The following PLCXD2 variants were observed in gnomAD, a reference collection of about 807,000 sequenced individuals.
The protein encoded by PLCXD2 is phosphatidylinositol specific phospholipase C X domain containing 2.
PLCXD2 carries 21 observed loss-of-function variants against 28.6 expected under a neutral mutation model. The observed-to-expected ratio is 0.73, with a 90% CI of 0.52 to 1.06. The LOEUF (loss-of-function observed/expected upper bound fraction) is 1.06. Among genes scored for constraint, PLCXD2 ranks in the 50% least tolerant of loss-of-function variants. PLCXD2 has a pLI of 0.00. For missense variants in PLCXD2, 369 were observed against 376.7 expected (o/e 0.98, Z 0.17); for synonymous variants, 140 against 150.1 (o/e 0.93, Z 0.49).
chr3:111,675,792 A>G (rs1162958173), intron 1 of PLCXD2, among the ~76,000 whole-genome samples: 1 of 152,264 alleles, frequency 6.6e-6, no homozygotes, highest in African/African-American at 2.4e-5. Flanking sequence ...TTAGATCTGG[A>G]TCAAAATTAA....
chr3:111,725,831 G>A, intron 3 of PLCXD2: 1 of 398,534 alleles, frequency 2.5e-6, no homozygotes, highest in Non-Finnish European at 4.4e-6. Flanking sequence ...CATATTCTGT[G>A]TCATTCCTTC....
rs762024556 is a variant in PLCXD2, at chr3:111,708,388, T to G, written c.624+2T>G. 6.2e-7 allele frequency: 1 copy of G among 1,611,484 alleles called. No individual in the cohort carries two copies. Among genetic ancestry groups the G allele is most frequent in the South Asian group, 1.1e-5 (1 of 90,878 alleles). On this transcript the variant is annotated splice_donor_variant, in intron 2 of 4. Coordinates refer to ENST00000477665, the MANE Select transcript of PLCXD2 (RefSeq NM_001185106.1). LOFTEE classifies it high-confidence loss of function. ...ACTCTGTGGGAGAAGAACTGCCAGG[T>G]AGGAGGGAAGGAGAGATAAGCTTCC...
At position 111,708,189 on chromosome 3, in the gene PLCXD2, C is replaced by A. The variant is rs1180186181; in HGVS notation, c.427C>A (p.Leu143Met). 6.2e-7 allele frequency: 1 copy of A among 1,614,164 alleles called. No homozygotes were observed. The highest frequency in any genetic ancestry group is 8.5e-7 in the Non-Finnish European group (1 of 1,180,032). The change falls in exon 2 of 5, where the codon CTG becomes ATG. Residue 143 changes from leucine to methionine, a missense_variant. Physicochemically the swap from Leu to Met is conservative, Grantham distance 15. Coordinates refer to ENST00000477665, the MANE Select transcript of PLCXD2 (RefSeq NM_001185106.1). Reference sequence around the variant, plus strand: ...TTTTGGCATCAAGGTCTGGGATGGGCTGATGGAAATTGACTCGTTTCTTAC... The same window carrying A: ...TTTTGGCATCAAGGTCTGGGATGGGATGATGGAAATTGACTCGTTTCTTAC...
intron 3 of PLCXD2, chr3:111,722,708 G>A (rs925131083): frequency 1.3e-5 from 2 of 152,184 alleles, no homozygotes; most frequent in African/African-American, 2.4e-5. Flanking sequence ...GCAGTTTCCT[G>A]TTTCTGTCTT....
At chr3:111,688,118 G>A (rs1940822994) in intron 1 of PLCXD2, among the ~76,000 whole-genome samples, 1 of 152,150 alleles carries the variant, frequency 6.6e-6, no homozygotes, top group African/African-American at 2.4e-5. Flanking sequence ...TTACCCCTCT[G>A]TCTGTTAGTT....
Position 111,704,125 on chromosome 3 carries a change from C to T in PLCXD2, c.164-3801C>T, listed in dbSNP as rs564164164. Among the ~76,000 whole-genome samples, 120 of 152,106 alleles carry T rather than the reference C, an allele frequency of 7.9e-4. 4 individuals carry two copies. In the South Asian group the frequency reaches 0.023, roughly 29 times the overall value. ...TTTTGTATTATATGTGAAATACCTACGCTAAAATTTATAAAAATGGAAAAT... is the reference window on the plus strand; with the variant it reads ...TTTTGTATTATATGTGAAATACCTATGCTAAAATTTATAAAAATGGAAAAT... On this transcript the variant is annotated intron_variant, in intron 1 of 4. Coordinates refer to ENST00000477665, the MANE Select transcript of PLCXD2 (RefSeq NM_001185106.1).
intron 1 of PLCXD2, among the ~76,000 whole-genome samples, chr3:111,701,062 A>G (rs1386633388): frequency 6.6e-6 from 1 of 152,208 alleles, no homozygotes; most frequent in Non-Finnish European, 1.5e-5. Context: ...ACAATGAATC[A>G]GGTACAGAAA....
At chr3:111,712,179 C>T (rs981807267) in intron 2 of PLCXD2, among the ~76,000 whole-genome samples, 2 of 152,170 alleles carry the variant, frequency 1.3e-5, no homozygotes, top group African/African-American at 4.8e-5. Context: ...CCTTTAGGGT[C>T]AGATTGCTCA....
At chr3:111,704,804 C>T (rs1480554953) in intron 1 of PLCXD2, among the ~76,000 whole-genome samples, 1 of 149,170 alleles carries the variant, frequency 6.7e-6, no homozygotes, top group Non-Finnish European at 1.5e-5. Context: ...CTTCATTCCT[C>T]CTATCTAGCA....
intron 1 of PLCXD2, among the ~76,000 whole-genome samples, chr3:111,688,644 G>A (rs1303661229): frequency 6.6e-6 from 1 of 152,174 alleles, no homozygotes; most frequent in African/African-American, 2.4e-5. Context: ...GCCCAAAGCT[G>A]TCAGGTAAAT....
At chr3:111,694,005 G>T (rs149780713) in intron 1 of PLCXD2, among the ~76,000 whole-genome samples, 1 of 152,230 alleles carries the variant, frequency 6.6e-6, no homozygotes, top group Non-Finnish European at 1.5e-5. Context: ...ACCCCTTCAA[G>T]CTGTCGCTTT....
intron 3 of PLCXD2, among the ~76,000 whole-genome samples, chr3:111,720,506 A>C (rs562782943): frequency 6.6e-6 from 1 of 152,366 alleles, no homozygotes; most frequent in South Asian, 2.1e-4. Flanking sequence ...CTCCTCTTCC[A>C]GCAGAGAAAC....
At chr3:111,706,582 C>A (rs1008530213) in intron 1 of PLCXD2, among the ~76,000 whole-genome samples, 2 of 151,474 alleles carry the variant, frequency 1.3e-5, no homozygotes, top group African/African-American at 4.9e-5. Context: ...CCTCATCTAT[C>A]AATAATAGCC....
chr3:111,721,640 C>T (rs1458418656), intron 3 of PLCXD2: 1 of 152,134 alleles, frequency 6.6e-6, no homozygotes, highest in Non-Finnish European at 1.5e-5. Flanking sequence ...TAGCGTGGGG[C>T]CCAACAAGAG....
chr3:111,702,984 C>T (rs755546367), intron 1 of PLCXD2, among the ~76,000 whole-genome samples: 22 of 151,986 alleles, frequency 1.4e-4, no homozygotes, highest in African/African-American at 2.9e-4. Context: ...GCCTGTTTTT[C>T]GAAAAAGAAA....
Position 111,700,966 on chromosome 3 carries a change from CTG to C in PLCXD2, c.164-6957_164-6956del, listed in dbSNP as rs1487975441. 6.6e-5 allele frequency among the ~76,000 whole-genome samples: 10 copies of C among 152,210 alleles called. No individual in the cohort carries two copies. In the East Asian group the frequency reaches 1.9e-3, roughly 29 times the overall value. Reference sequence around the variant, plus strand: ...CAATGTGGGTGATGACAAACTTAGACTGTGACCAAAACAGTGGTGGTGGCTAT... The same window carrying C: ...CAATGTGGGTGATGACAAACTTAGACTGACCAAAACAGTGGTGGTGGCTAT... On this transcript the variant is annotated intron_variant, in intron 1 of 4. Transcript: ENST00000477665.
chr3:111,674,743 T>G lies in PLCXD2; in HGVS notation c.-503T>G, dbSNP rs1223439943. The stretch of plus-strand genomic sequence containing the variant: ...TCAGGAAGCCACAGGGCAGGGGGCG[T>G]CTGTGCAGAGAAGCGGGGGAGTGAG... On this transcript the variant is annotated 5_prime_UTR_variant, in exon 1 of 5. Transcript: ENST00000477665. 1 of 153,500 alleles carries G rather than the reference T, an allele frequency of 6.5e-6. No homozygotes were observed. Among genetic ancestry groups the G allele is most frequent in the East Asian group, 1.9e-4 (1 of 5,218 alleles). The allele number at this position is 153,500 out of a possible 1,614,324, so 9.5% of individuals were successfully genotyped here.
At chr3:111,723,926 G>A (rs1157750201) in intron 3 of PLCXD2, 1 of 152,122 alleles carries the variant, frequency 6.6e-6, no homozygotes, top group Non-Finnish European at 1.5e-5. Context: ...AGCCAAAGAG[G>A]ACTTTAGTTT....
At chr3:111,718,701 G>T (rs985707051) in intron 3 of PLCXD2, among the ~76,000 whole-genome samples, 2 of 152,150 alleles carry the variant, frequency 1.3e-5, no homozygotes, top group Non-Finnish European at 2.9e-5. Context: ...GAGAAGTCAA[G>T]ATATGTGCTG....
Sources: gnomAD v4.1 joint callset for allele counts (sites outside exome capture counted in the v4.1 genomes callset) on GRCh38, gnomAD v4.1.1 for gene constraint, MANE v1.5 for transcripts, NCBI Gene and HGNC (gene_info 2026-07-23, HGNC 2026-07-21) for gene names.